CDH18: variants seen among roughly 807,000 people sequenced by gnomAD.
CDH18 encodes the protein cadherin-18.
Under a neutral mutation model 67.9 loss-of-function variants are expected in CDH18, and 31 were observed. The observed-to-expected ratio is 0.46, with a 90% CI of 0.34 to 0.62. CDH18 has a LOEUF of 0.62. Ranked by LOEUF, CDH18 falls within the 20% of genes least tolerant of loss-of-function variation. The probability of loss-of-function intolerance (pLI) is 0.01; values close to 1 mark genes in which losing one functional copy is unlikely to be tolerated. For synonymous variants in CDH18, 362 were observed against 347.2 expected (o/e 1.04, Z -0.48); for missense variants, 890 against 975.5 (o/e 0.91, Z 1.17).
intron 2 of CDH18, among the ~76,000 whole-genome samples, chr5:19,859,981 T>C (rs1431102047): frequency 4.4e-5 from 6 of 135,322 alleles, no homozygotes; most frequent in Non-Finnish European, 7.9e-5. Context: ...ATTTACTTGT[T>C]TGCTTTGGGT....
intron 5 of CDH18, among the ~76,000 whole-genome samples, chr5:19,713,488 C>T (rs1017519415): frequency 2.0e-5 from 3 of 151,964 alleles, no homozygotes; most frequent in Non-Finnish European, 2.9e-5. Flanking sequence ...AGGGCTACAA[C>T]GAATAGTTTG....
At position 19,793,121 on chromosome 5, in the gene CDH18, T is replaced by G. The variant is rs1168265814; in HGVS notation, c.228+45638A>C. Among the ~76,000 whole-genome samples, 3 of 152,230 alleles carry G rather than the reference T, an allele frequency of 2.0e-5. No homozygotes were observed. In the East Asian group the frequency reaches 5.8e-4, roughly 29 times the overall value. ...ACTATGACAGAAAACCCTGCAATTC[T>G]ATAAATCTTCACCTACCCTACTACC... On this transcript the variant is annotated intron_variant, in intron 3 of 12. Coordinates refer to ENST00000382275, the MANE Select transcript of CDH18 (RefSeq NM_004934.5).
chr5:19,478,850 G>T (rs1289790280), intron 12 of CDH18, among the ~76,000 whole-genome samples: 1 of 152,092 alleles, frequency 6.6e-6, no homozygotes, highest in African/African-American at 2.4e-5. Context: ...CTACTGTCAT[G>T]GTAAATTCTG....
chr5:20,353,740 G>A (rs1371809465), intron 1 of CDH18, among the ~76,000 whole-genome samples: 2 of 152,136 alleles, frequency 1.3e-5, no homozygotes, highest in East Asian at 3.9e-4. Flanking sequence ...ATTCATTTAT[G>A]TGACTATTTC....
chr5:20,411,223 A>T (rs1746744027), intron 1 of CDH18, among the ~76,000 whole-genome samples: 1 of 152,030 alleles, frequency 6.6e-6, no homozygotes, highest in Non-Finnish European at 1.5e-5. Context: ...TGATACAGTA[A>T]GTAAAACAGT....
chr5:19,753,506 C>T (rs1396474831), intron 3 of CDH18, among the ~76,000 whole-genome samples: 1 of 152,138 alleles, frequency 6.6e-6, no homozygotes. Flanking sequence ...TGAACAAAGC[C>T]TCAGAGTAGT....
intron 2 of CDH18, chr5:19,886,371 A>C (rs1788201004): frequency 6.6e-6 from 1 of 152,220 alleles, no homozygotes; most frequent in Non-Finnish European, 1.5e-5. Flanking sequence ...TGCATGAGTA[A>C]GCGAAGAAAG....
intron 2 of CDH18, among the ~76,000 whole-genome samples, chr5:19,941,602 C>T (rs77423904): frequency 0.11 from 16,573 of 151,614 alleles, 2,597 homozygotes; most frequent in African/African-American, 0.35. Context: ...GGCAACATAG[C>T]GAGACCCCCA....
chr5:19,568,617 C>T (rs572431571), intron 8 of CDH18, among the ~76,000 whole-genome samples: 7 of 152,002 alleles, frequency 4.6e-5, no homozygotes, highest in African/African-American at 1.2e-4. Flanking sequence ...TGTGTGCTCT[C>T]GTAAAAAGAA....
intron 2 of CDH18, among the ~76,000 whole-genome samples, chr5:20,008,180 GCA>G (rs1737083390): frequency 6.6e-6 from 1 of 151,884 alleles, no homozygotes; most frequent in Non-Finnish European, 1.5e-5. Flanking sequence ...TGATGGCAAT[GCA>G]CAGTTTGCTT....
chr5:20,109,128 C>T (rs1236096607), intron 2 of CDH18, among the ~76,000 whole-genome samples: 1 of 152,074 alleles, frequency 6.6e-6, no homozygotes, highest in African/African-American at 2.4e-5. Flanking sequence ...GCATCCCATA[C>T]ATTTAGTTGG....
At chr5:19,596,299 A>T (rs531384937) in intron 6 of CDH18, among the ~76,000 whole-genome samples, 2 of 152,346 alleles carry the variant, frequency 1.3e-5, no homozygotes, top group Non-Finnish European at 2.9e-5. Context: ...AAATATCATG[A>T]TGTTCCTGAA....
At chr5:20,130,078 A>ATTTATTG (rs1554093994) in intron 2 of CDH18, among the ~76,000 whole-genome samples, 2 of 142,138 alleles carry the variant, frequency 1.4e-5, no homozygotes, top group Non-Finnish European at 3.0e-5. Flanking sequence ...TATTATTGTT[A>ATTTATTG]TTATTATTAT....
intron 9 of CDH18, among the ~76,000 whole-genome samples, chr5:19,528,618 G>A (rs1430423290): frequency 6.6e-6 from 1 of 151,690 alleles, no homozygotes; most frequent in African/African-American, 2.4e-5. Context: ...GTTGCTGTTC[G>A]GGGTTAACAC....
intron 5 of CDH18, among the ~76,000 whole-genome samples, chr5:19,655,184 T>C: frequency 6.6e-6 from 1 of 152,264 alleles, no homozygotes; most frequent in East Asian, 1.9e-4. Flanking sequence ...CAATATATAT[T>C]GATACATGTA....
intron 3 of CDH18, among the ~76,000 whole-genome samples, chr5:19,826,340 G>A (rs1392032390): frequency 6.6e-6 from 1 of 152,088 alleles, no homozygotes; most frequent in Non-Finnish European, 1.5e-5. Context: ...CCCCAAACTT[G>A]CTAAGGAGGC....
chr5:20,320,743 G>C (rs956254203), intron 1 of CDH18, among the ~76,000 whole-genome samples: 1 of 152,096 alleles, frequency 6.6e-6, no homozygotes, highest in South Asian at 2.1e-4. Context: ...ACCCAGCTCC[G>C]TAGCTGCTGC....
chr5:19,795,145 T>C (rs1485156134), intron 3 of CDH18, among the ~76,000 whole-genome samples: 2 of 152,092 alleles, frequency 1.3e-5, no homozygotes, highest in East Asian at 1.9e-4. Flanking sequence ...CCAAGGGATA[T>C]TGCTTGGGAG....
At chr5:19,666,194 T>C (rs993236793) in intron 5 of CDH18, among the ~76,000 whole-genome samples, 1 of 150,832 alleles carries the variant, frequency 6.6e-6, no homozygotes, top group South Asian at 2.1e-4. Context: ...CTCAGCCTCC[T>C]GACTGGCTGA....
Sources: allele counts gnomAD v4.1 joint callset (sites outside exome capture counted in the v4.1 genomes callset), GRCh38; gene constraint gnomAD v4.1.1; transcripts MANE v1.5; gene names NCBI Gene and HGNC (gene_info 2026-07-23, HGNC 2026-07-21).